The following PCDH15 variants were observed in gnomAD, a reference collection of about 807,000 sequenced individuals.
PCDH15 encodes the protein protocadherin related 15.
Under a neutral mutation model 178.5 loss-of-function variants are expected in PCDH15, and 129 were observed. That is an observed-to-expected ratio of 0.72 (90% CI 0.63 to 0.84). The LOEUF is 0.84. PCDH15 is among the 40% of genes least tolerant of loss of function. The pLI, the probability that PCDH15 is intolerant of heterozygous loss-of-function variation, is 0.00. For synonymous variants in PCDH15, 800 were observed against 732.0 expected (o/e 1.09, Z -1.50); for missense variants, 2,230 against 2,099.9 (o/e 1.06, Z -1.21).
rs767779818 is a variant in PCDH15, at chr10:55,464,654, A to ATG, written c.-156+162969_-156+162970dup. On this transcript the variant is annotated intron_variant, in intron 2 of 5. Coordinates refer to the PCDH15 transcript ENST00000613346. ...TATATATATATATATATATATATAT[A>ATG]TGTGTGTGTGTGTGTATATATATAC... is the stretch of plus-strand genomic sequence containing the variant. Among the ~76,000 whole-genome samples the ATG allele has an allele frequency of 9.0e-3, 124 of 13,794 alleles. 1 individual carries two copies. Among genetic ancestry groups the ATG allele is most frequent in the Middle Eastern group, 0.056 (2 of 36 alleles). The allele number at this position is 13,794 out of a possible 152,430, so 9.0% of individuals were successfully genotyped here.
intron 2 of PCDH15, among the ~76,000 whole-genome samples, chr10:55,067,548 C>T (rs570539677): frequency 2.6e-5 from 4 of 151,704 alleles, no homozygotes; most frequent in East Asian, 1.9e-4. Flanking sequence ...TATGTGAGTG[C>T]AGGTTTCTCT....
At chr10:54,239,528 G>T (rs1318715863) in intron 8 of PCDH15, among the ~76,000 whole-genome samples, 2 of 151,836 alleles carry the variant, frequency 1.3e-5, no homozygotes, top group Admixed American at 6.6e-5. Context: ...TCAGGATACT[G>T]AGCATGGAAG....
chr10:54,488,342 C>T (rs542027307), intron 3 of PCDH15, among the ~76,000 whole-genome samples: 13 of 151,668 alleles, frequency 8.6e-5, no homozygotes, highest in Admixed American at 5.3e-4. Context: ...TGGTTACCAG[C>T]GTAATTTTGA....
intron 2 of PCDH15, among the ~76,000 whole-genome samples, chr10:54,551,387 T>C (rs2086596088): frequency 6.6e-6 from 1 of 152,078 alleles, no homozygotes; most frequent in Admixed American, 6.6e-5. Flanking sequence ...TCATGTCAGC[T>C]AGTTTTAATA....
intron 21 of PCDH15, among the ~76,000 whole-genome samples, chr10:53,976,277 T>C (rs2134524262): frequency 6.6e-6 from 1 of 152,232 alleles, no homozygotes; most frequent in South Asian, 2.1e-4. Context: ...CTAGGTAATG[T>C]GGGGTTCATT....
In PCDH15 at chr10:54,710,368, T is replaced by C. The variant is rs11004454; in HGVS notation, c.-28-46078A>G. ...ATATTGTTAGTTTCAAAATTAATCA[T>C]ATTTAGTTTAATATTGTTTAATAAT... is the stretch of plus-strand genomic sequence containing the variant. On this transcript the variant is annotated intron_variant, in intron 1 of 37. Coordinates refer to ENST00000644397, the MANE Select transcript of PCDH15 (RefSeq NM_001384140.1). Among the ~76,000 whole-genome samples, 1,129 of 152,184 alleles carry C rather than the reference T, an allele frequency of 7.4e-3. 18 individuals are homozygous for C. Among genetic ancestry groups the C allele is most frequent in the East Asian group, 0.055 (284 of 5,182 alleles).
chr10:55,276,396 G>A (rs1842596848), intron 1 of PCDH15, among the ~76,000 whole-genome samples: 1 of 150,990 alleles, frequency 6.6e-6, no homozygotes, highest in South Asian at 2.1e-4. Context: ...AATTTTCATA[G>A]TATTTCTAAT....
At chr10:55,114,597 A>G (rs1301888737) in intron 2 of PCDH15, among the ~76,000 whole-genome samples, 1 of 152,226 alleles carries the variant, frequency 6.6e-6, no homozygotes, top group South Asian at 2.1e-4. Flanking sequence ...GTGGTATGAA[A>G]GAAAGTAACG....
chr10:54,909,228 G>A (rs1030055791), intron 2 of PCDH15, among the ~76,000 whole-genome samples: 3 of 152,130 alleles, frequency 2.0e-5, no homozygotes, highest in African/African-American at 7.2e-5. Flanking sequence ...CAGGCTTCAG[G>A]CCTTCCCTGG....
intron 2 of PCDH15, among the ~76,000 whole-genome samples, chr10:55,085,080 T>C (rs1271744343): frequency 6.6e-6 from 1 of 151,972 alleles, no homozygotes; most frequent in Non-Finnish European, 1.5e-5. Flanking sequence ...GCTAGGCACA[T>C]ACCCCAAAGA....
intron 2 of PCDH15, among the ~76,000 whole-genome samples, chr10:55,403,488 G>A (rs2132027197): frequency 6.6e-6 from 1 of 151,662 alleles, no homozygotes; most frequent in Middle Eastern, 3.4e-3. Flanking sequence ...ATTTTTTCTA[G>A]AATTTTATAG....
chr10:55,144,300 A>C, intron 2 of PCDH15, among the ~76,000 whole-genome samples: 1 of 152,030 alleles, frequency 6.6e-6, no homozygotes. Flanking sequence ...GACATACATT[A>C]TGTGAAGGAA....
At chr10:54,574,479 T>A (rs2133648646) in intron 2 of PCDH15, among the ~76,000 whole-genome samples, 1 of 152,224 alleles carries the variant, frequency 6.6e-6, no homozygotes, top group East Asian at 1.9e-4. Context: ...AGCTTTGTTC[T>A]TTTGGCTTAG....
At chr10:55,014,919 A>G (rs1211965181) in intron 2 of PCDH15, among the ~76,000 whole-genome samples, 2 of 152,136 alleles carry the variant, frequency 1.3e-5, no homozygotes, top group African/African-American at 4.8e-5. Context: ...AATTTTCTCA[A>G]TTTAATATTG....
intron 2 of PCDH15, among the ~76,000 whole-genome samples, chr10:55,016,099 A>AAC (rs1840171276): frequency 2.8e-4 from 2 of 7,214 alleles, no homozygotes; most frequent in Non-Finnish European, 4.7e-4. Context: ...TTTTTTTTTT[A>AAC]AAAAAAAAAA....
chr10:55,222,813 T>C (rs1049754343), intron 1 of PCDH15, among the ~76,000 whole-genome samples: 1 of 149,848 alleles, frequency 6.7e-6, no homozygotes, highest in Non-Finnish European at 1.5e-5. Context: ...TGTTTTCCCA[T>C]GGTGATTTAA....
chr10:54,580,100 G>A (rs1207099305), intron 2 of PCDH15, among the ~76,000 whole-genome samples: 3 of 151,802 alleles, frequency 2.0e-5, no homozygotes, highest in Non-Finnish European at 4.4e-5. Context: ...AAGCTAATGA[G>A]AGGAAAGAAA....
intron 8 of PCDH15, among the ~76,000 whole-genome samples, chr10:54,270,998 T>G (rs182644339): frequency 1.9e-3 from 293 of 152,180 alleles, no homozygotes; most frequent in African/African-American, 6.8e-3. Context: ...ACCAACATAT[T>G]ATAGAAAGAA....
intron 2 of PCDH15, among the ~76,000 whole-genome samples, chr10:55,613,017 A>ATTTTTTTTTTTTTTTTTTTTTTT (rs34403286): frequency 1.2e-5 from 1 of 82,388 alleles, no homozygotes; most frequent in Non-Finnish European, 2.4e-5. Flanking sequence ...TACTAGCCAG[A>ATTTTTTTTTTTTTTTTTTTTTTT]TTTTTTTTTT....
Sources: gnomAD v4.1 joint callset for allele counts (sites outside exome capture counted in the v4.1 genomes callset) on GRCh38, gnomAD v4.1.1 for gene constraint, MANE v1.5 for transcripts, NCBI Gene and HGNC (gene_info 2026-07-23, HGNC 2026-07-21) for gene names.